ZBTB20: variants seen among roughly 807,000 people sequenced by gnomAD.
The protein encoded by ZBTB20 is zinc finger and BTB domain-containing protein 20.
Under a neutral mutation model 56.9 loss-of-function variants are expected in ZBTB20, and 9 were observed. The ratio of observed to expected loss-of-function variants is 0.16; its 90% CI spans 0.10 to 0.28. The LOEUF is 0.28. Among genes scored for constraint, ZBTB20 ranks in the 10% least tolerant of loss-of-function variants. The pLI, the probability that ZBTB20 is intolerant of heterozygous loss-of-function variation, is 1.00. For synonymous variants in ZBTB20, 417 were observed against 420.7 expected (o/e 0.99, Z 0.11); for missense variants, 655 against 1,003.0 (o/e 0.65, Z 4.69).
At chr3:114,356,565 T>C (rs1355028035) in intron 10 of ZBTB20, among the ~76,000 whole-genome samples, 7 of 152,154 alleles carry the variant, frequency 4.6e-5, no homozygotes, top group Non-Finnish European at 8.8e-5. Flanking sequence ...CTAAGTCAAG[T>C]GGCAGGGCCA....
At chr3:114,445,864 T>C (rs180880604) in intron 7 of ZBTB20, among the ~76,000 whole-genome samples, 1 of 152,212 alleles carries the variant, frequency 6.6e-6, no homozygotes, top group Non-Finnish European at 1.5e-5. Context: ...AGTCAAGGTA[T>C]TTTTAAAGAA....
chr3:114,496,088 C>T (rs911426888), intron 7 of ZBTB20, among the ~76,000 whole-genome samples: 2 of 151,976 alleles, frequency 1.3e-5, no homozygotes, highest in Non-Finnish European at 2.9e-5. Flanking sequence ...GTGGTTTCCA[C>T]AGAGATGTGA....
chr3:114,679,138 T>C (rs552617146), intron 6 of ZBTB20, among the ~76,000 whole-genome samples: 1 of 152,234 alleles, frequency 6.6e-6, no homozygotes, highest in East Asian at 1.9e-4. Context: ...TAATTCAAGA[T>C]GGATTAAAGA....
intron 10 of ZBTB20, among the ~76,000 whole-genome samples, chr3:114,361,343 A>T (rs911457279): frequency 3.9e-5 from 6 of 152,182 alleles, no homozygotes; most frequent in Non-Finnish European, 7.4e-5. Context: ...CCTTATTCAA[A>T]CTTTTTCCTT....
rs1406148789 is a variant in ZBTB20, at chr3:114,940,596, A to G, written c.-456+33770T>C. 1.4e-5 allele frequency among the ~76,000 whole-genome samples: 2 copies of G among 146,354 alleles called. 1 individual carries two copies. Among genetic ancestry groups the G allele is most frequent in the African/African-American group, 5.5e-5 (2 of 36,044 alleles). ...TAATCTTCTTATTCAGCTTATGCATATTTCTTTTCCTTTAAAATCCATCAA... is the reference window on the plus strand; with the variant it reads ...TAATCTTCTTATTCAGCTTATGCATGTTTCTTTTCCTTTAAAATCCATCAA... On this transcript the variant is annotated intron_variant, in intron 3 of 11. Transcript: ENST00000675478.
chr3:115,027,630 C>T (rs2080479194), intron 2 of ZBTB20: 1 of 150,754 alleles, frequency 6.6e-6, no homozygotes, highest in South Asian at 2.1e-4. Flanking sequence ...TAAATAATTA[C>T]CCAATTTTGT....
intron 4 of ZBTB20, among the ~76,000 whole-genome samples, chr3:114,891,806 G>A (rs543159851): frequency 1.3e-5 from 2 of 152,220 alleles, no homozygotes; most frequent in African/African-American, 2.4e-5. Flanking sequence ...TAGCACTTTG[G>A]GAGGCCCAGG....
intron 6 of ZBTB20, among the ~76,000 whole-genome samples, chr3:114,609,300 G>A (rs1189726583): frequency 1.3e-5 from 2 of 152,138 alleles, no homozygotes; most frequent in Admixed American, 6.5e-5. Flanking sequence ...GAAAAGAATG[G>A]TCTATGCCAT....
chr3:115,021,728 C>T (rs2080212954), intron 2 of ZBTB20, among the ~76,000 whole-genome samples: 1 of 150,698 alleles, frequency 6.6e-6, no homozygotes, highest in African/African-American at 2.4e-5. Flanking sequence ...TACTCTCTCC[C>T]ACACTCAAAA....
At chr3:114,994,944 T>C (rs896612262) in intron 2 of ZBTB20, among the ~76,000 whole-genome samples, 1 of 151,900 alleles carries the variant, frequency 6.6e-6, no homozygotes, top group African/African-American at 2.4e-5. Context: ...ACCTGTGAGT[T>C]CACTGTGGCC....
intron 2 of ZBTB20, among the ~76,000 whole-genome samples, chr3:115,061,719 C>A (rs1235334565): frequency 1.3e-5 from 2 of 152,048 alleles, no homozygotes; most frequent in African/African-American, 4.8e-5. Context: ...TTCTTGTACA[C>A]ACACACAAGA....
intron 6 of ZBTB20, among the ~76,000 whole-genome samples, chr3:114,677,666 A>C (rs1031192093): frequency 7.2e-5 from 11 of 152,200 alleles, no homozygotes; most frequent in Non-Finnish European, 1.3e-4. Context: ...CATTCTGTTA[A>C]CTATTGAAAA....
At chr3:114,394,653 A>G (rs1203482149) in intron 7 of ZBTB20, among the ~76,000 whole-genome samples, 2 of 152,128 alleles carry the variant, frequency 1.3e-5, no homozygotes, top group Non-Finnish European at 2.9e-5. Context: ...CATTTCTGAG[A>G]AGCTCCCAGG....
At chr3:114,778,244 TTAATAATAATAATAATAATAA>T (rs370933299) in intron 5 of ZBTB20, among the ~76,000 whole-genome samples, 1 of 137,886 alleles carries the variant, frequency 7.3e-6, no homozygotes, top group African/African-American at 2.7e-5. Context: ...TTAAAGTATG[TTAATAATAATAATAATAATAA>T]TAATAATAAT....
At chr3:114,434,502 T>C (rs2108909976) in intron 7 of ZBTB20, among the ~76,000 whole-genome samples, 1 of 150,566 alleles carries the variant, frequency 6.6e-6, no homozygotes, top group Admixed American at 6.6e-5. Flanking sequence ...TTGGACACTC[T>C]AGTCCTTTAC....
At chr3:115,002,436 T>C (rs775133462) in intron 2 of ZBTB20, among the ~76,000 whole-genome samples, 10 of 151,576 alleles carry the variant, frequency 6.6e-5, no homozygotes, top group Non-Finnish European at 1.5e-4. Flanking sequence ...GAAGAAAATA[T>C]TTGCTAAACA....
chr3:115,126,541 C>A (rs1327387626), intron 1 of ZBTB20, among the ~76,000 whole-genome samples: 1 of 151,894 alleles, frequency 6.6e-6, no homozygotes, highest in East Asian at 1.9e-4. Flanking sequence ...CTGTAAGTTA[C>A]AATTACACAC....
intron 5 of ZBTB20, among the ~76,000 whole-genome samples, chr3:114,720,453 C>T (rs2108490953): frequency 6.6e-6 from 1 of 152,064 alleles, no homozygotes; most frequent in South Asian, 2.1e-4. Flanking sequence ...GTAACTGGTG[C>T]AGAATAAACC....
chr3:114,821,954 T>C lies in ZBTB20; in HGVS notation c.-416-20780A>G, dbSNP rs979976886. ...ATAAATTCCATTTCAACACTACGGG[T>C]AAGGGAAATAAAATGAATGAATAAA... On this transcript the variant is annotated intron_variant, in intron 4 of 11. Transcript: ENST00000675478. Among the ~76,000 whole-genome samples, 8 of 152,106 alleles carry C rather than the reference T, an allele frequency of 5.3e-5. No homozygotes were observed. The East Asian group carries it at 1.5e-3, about 29-fold the overall frequency.
Sources: allele counts gnomAD v4.1 joint callset (sites outside exome capture counted in the v4.1 genomes callset), GRCh38; gene constraint gnomAD v4.1.1; transcripts MANE v1.5; gene names NCBI Gene and HGNC (gene_info 2026-07-23, HGNC 2026-07-21).